The following SLC25A37 variants were observed in gnomAD, a reference collection of about 807,000 sequenced individuals.
SLC25A37 encodes the protein mitoferrin-1.
SLC25A37 carries 17 observed loss-of-function variants against 31.0 expected under a neutral mutation model. The observed-to-expected ratio is 0.55, with a 90% CI of 0.38 to 0.82. The LOEUF is 0.82. Ranked by LOEUF, SLC25A37 falls within the 40% of genes least tolerant of loss-of-function variation. SLC25A37 has a pLI of 0.00. For synonymous variants in SLC25A37, 222 were observed against 193.0 expected, an observed-to-expected ratio of 1.15 and a Z score of -1.24; for missense variants, 404 against 465.8, an observed-to-expected ratio of 0.87 and a Z score of 1.22.
intron 1 of SLC25A37, among the ~76,000 whole-genome samples, chr8:23,552,877 A>G (rs1285695179): frequency 6.6e-6 from 1 of 152,192 alleles, no homozygotes; most frequent in Non-Finnish European, 1.5e-5. Context: ...GGGAACTGAA[A>G]GCAAAAGAAA....
At chr8:23,564,865 G>C (rs1802611143) in intron 1 of SLC25A37, among the ~76,000 whole-genome samples, 1 of 143,318 alleles carries the variant, frequency 7.0e-6, no homozygotes, top group Non-Finnish European at 1.5e-5. Context: ...ACCTGTCTCT[G>C]TCTGTCTGTC....
chr8:23,568,267 A>G, intron 2 of SLC25A37, 55 bp from the exon 3 acceptor site: 1 of 1,600,040 alleles, frequency 6.2e-7, no homozygotes, highest in Non-Finnish European at 8.6e-7. Context: ...AGGTTCCAGG[A>G]ACTTCCTGAG....
chr8:23,546,512 GGTATATATATATATAGGT>G (rs1802043762), intron 1 of SLC25A37, among the ~76,000 whole-genome samples: 1 of 66,950 alleles, frequency 1.5e-5, no homozygotes, highest in African/African-American at 7.5e-5. Flanking sequence ...TATATATATA[GGTATATATATATATAGGT>G]GTATATATAT....
chr8:23,559,494 A>G (rs889429871), intron 1 of SLC25A37, among the ~76,000 whole-genome samples: 1 of 152,334 alleles, frequency 6.6e-6, no homozygotes, highest in East Asian at 1.9e-4. Context: ...TAAAATATAC[A>G]TAACAAAATT....
At position 23,529,634 on chromosome 8, in the gene SLC25A37, G is replaced by C. The variant is rs866126144; in HGVS notation, c.210+422G>C. Among the ~76,000 whole-genome samples the C allele has an allele frequency of 1.3e-5, 2 of 152,306 alleles. No individual in the cohort carries two copies. Among genetic ancestry groups the C allele is most frequent in the Middle Eastern group, 6.8e-3 (2 of 294 alleles). Reference sequence around the variant, plus strand: ...GGTTTCCGAGGGAGCTCCCCGCAGGGGAAGCCCTCACCACGCTGGAGCTGA... The same window carrying C: ...GGTTTCCGAGGGAGCTCCCCGCAGGCGAAGCCCTCACCACGCTGGAGCTGA... On this transcript the variant is annotated intron_variant, in intron 1 of 3. Transcript: ENST00000519973. The surrounding 1 kb of genome is among the most constrained non-coding windows in gnomAD (Gnocchi z 4.1).
rs540563157 is a variant in SLC25A37 at position 23,552,689 on chromosome 8, C to T, written c.211-13419C>T. The stretch of plus-strand genomic sequence containing the variant: ...AACGTACGTTACTTATGGGCAGAGA[C>T]GGTCTTTGAGCATTGGGTGGGTGGT... On this transcript the variant is annotated intron_variant, in intron 1 of 3. Coordinates refer to ENST00000519973, the MANE Select transcript of SLC25A37 (RefSeq NM_016612.4). 8.5e-5 allele frequency among the ~76,000 whole-genome samples: 13 copies of T among 152,286 alleles called. No individual in the cohort carries two copies. In the East Asian group the frequency reaches 1.9e-3, roughly 23 times the overall value.
intron 1 of SLC25A37, among the ~76,000 whole-genome samples, chr8:23,533,239 T>C (rs1012839891): frequency 2.0e-5 from 3 of 151,994 alleles, no homozygotes; most frequent in African/African-American, 7.2e-5. Flanking sequence ...TGCCCTAAAT[T>C]GGGGAGGGGC....
chr8:23,548,997 C>G (rs1277161810), intron 1 of SLC25A37, among the ~76,000 whole-genome samples: 2 of 152,176 alleles, frequency 1.3e-5, no homozygotes, highest in East Asian at 1.9e-4. Flanking sequence ...GACCCCTCCC[C>G]AAATCTAAAT....
At chr8:23,539,929 T>G (rs980981046) in intron 1 of SLC25A37, among the ~76,000 whole-genome samples, 1 of 152,244 alleles carries the variant, frequency 6.6e-6, no homozygotes, top group East Asian at 1.9e-4. Context: ...TTTACCCATT[T>G]CAGTGTTGCT....
intron 1 of SLC25A37, chr8:23,541,975 G>A (rs1801905073): frequency 1.3e-5 from 2 of 152,376 alleles, no homozygotes; most frequent in Admixed American, 1.3e-4. Flanking sequence ...CTAAACGTTG[G>A]CTTGCGTTAG....
chr8:23,531,020 A>G (rs764797970), intron 1 of SLC25A37, among the ~76,000 whole-genome samples: 3 of 152,174 alleles, frequency 2.0e-5, no homozygotes, highest in Non-Finnish European at 4.4e-5. Flanking sequence ...TCACCTGTGG[A>G]CAGGTTAACA....
intron 1 of SLC25A37, among the ~76,000 whole-genome samples, chr8:23,562,929 G>A (rs977193625): frequency 5.3e-5 from 8 of 152,180 alleles, no homozygotes; most frequent in Non-Finnish European, 1.0e-4. Context: ...CAGGTGACAC[G>A]TGAAGCTTTA....
intron 1 of SLC25A37, among the ~76,000 whole-genome samples, chr8:23,543,559 A>G (rs947716588): frequency 2.6e-5 from 4 of 152,114 alleles, no homozygotes; most frequent in Non-Finnish European, 4.4e-5. Context: ...TAAATGCCCT[A>G]CACAGGTGTA....
Position 23,571,366 on chromosome 8 carries a change from G to A in SLC25A37, c.528G>A (p.Ser176=), listed in dbSNP as rs544529065. The A allele has an allele frequency of 2.5e-6, 4 of 1,605,608 alleles. No homozygotes were observed. The highest frequency in any genetic ancestry group is 3.4e-6 in the Non-Finnish European group (4 of 1,175,552). ...VVKQRLQMYN[S]QHRSAISCIR... ...AGCAGCGCTTGCAGATGTACAACTC[G>A]CAGCACCGGTCAGCAATCAGCTGCA... is the stretch of plus-strand genomic sequence containing the variant. Residue 176 remains serine (S), a synonymous_variant, in exon 4 of 4, where the codon TCG becomes TCA. Coordinates refer to ENST00000519973, the MANE Select transcript of SLC25A37 (RefSeq NM_016612.4).
chr8:23,546,558 A>ATATATATATATATATAGTG lies in SLC25A37; in HGVS notation c.210+17362_210+17363insGTGTATATATATATATATA, dbSNP rs1563256111. Among the ~76,000 whole-genome samples, 83 of 32,660 alleles carry ATATATATATATATATAGTG rather than the reference A, an allele frequency of 2.5e-3. 1 individual carries two copies. Among genetic ancestry groups the ATATATATATATATATAGTG allele is most frequent in the African/African-American group, 9.1e-3 (68 of 7,474 alleles). 21.4% of individuals were successfully genotyped at this position (32,660 alleles called of 152,430 possible). ...ATATATATATATATATATATAGTGT[A>ATATATATATATATATAGTG]TATATATATATATATATATATATAG... is the stretch of plus-strand genomic sequence containing the variant. On this transcript the variant is annotated intron_variant, in intron 1 of 3. Coordinates refer to ENST00000519973, the MANE Select transcript of SLC25A37 (RefSeq NM_016612.4).
chr8:23,571,979 A>C lies in SLC25A37; in HGVS notation c.*124A>C. On this transcript the variant is annotated 3_prime_UTR_variant, in exon 4 of 4. Transcript: ENST00000519973. Reference sequence around the variant, plus strand: ...CTGCCTATGGGCCCTCTGCTCCCCAATGCCTTAGAGAGAGGAGGGGACGGC... The same window carrying C: ...CTGCCTATGGGCCCTCTGCTCCCCACTGCCTTAGAGAGAGGAGGGGACGGC... The C allele has an allele frequency of 8.3e-6, 9 of 1,088,076 alleles. No individual in the cohort carries two copies. Among genetic ancestry groups the C allele is most frequent in the Non-Finnish European group, 1.2e-5 (9 of 761,386 alleles). The allele number at this position is 1,088,076 out of a possible 1,614,324, so 67.4% of individuals were successfully genotyped here.
At chr8:23,564,452 G>A (rs954994670) in intron 1 of SLC25A37, among the ~76,000 whole-genome samples, 1 of 146,594 alleles carries the variant, frequency 6.8e-6, no homozygotes, top group East Asian at 2.1e-4. Context: ...TTCTCCTCTA[G>A]GATGTGTGTT....
intron 1 of SLC25A37, among the ~76,000 whole-genome samples, chr8:23,561,457 T>A (rs1246122030): frequency 2.0e-5 from 3 of 152,140 alleles, no homozygotes; most frequent in Admixed American, 6.5e-5. Context: ...ATGGGGACAG[T>A]CATTATTGAC....
At chr8:23,561,336 TC>T (rs1802510706) in intron 1 of SLC25A37, among the ~76,000 whole-genome samples, 1 of 152,302 alleles carries the variant, frequency 6.6e-6, no homozygotes. Flanking sequence ...GAGAAATCAG[TC>T]CCAAATGTCC....
Sources: allele counts gnomAD v4.1 joint callset (sites outside exome capture counted in the v4.1 genomes callset), GRCh38; gene constraint gnomAD v4.1.1; non-coding constraint Gnocchi (gnomAD v3.1); transcripts MANE v1.5; gene names NCBI Gene and HGNC (gene_info 2026-07-23, HGNC 2026-07-21).